Variants in NBPF19 observed in about 807,000 individuals in gnomAD.
NBPF19 encodes NBPF family member NBPF19.
NBPF19 carries 30 observed loss-of-function variants against 45.9 expected under a neutral mutation model. The ratio of observed to expected loss-of-function variants is 0.65; its 90% confidence interval spans 0.49 to 0.89. The LOEUF (loss-of-function observed/expected upper bound fraction) is 0.89. NBPF19 is among the 40% of genes least tolerant of loss of function. NBPF19 has a pLI of 0.00. For missense variants in NBPF19, 495 were observed against 471.8 expected, an observed-to-expected ratio of 1.05 and a Z score of -0.46; for synonymous variants, 183 against 181.2, an observed-to-expected ratio of 1.01 and a Z score of -0.08.
chr1:149,488,286 G>A, intron 10 of NBPF19, 101 bp downstream of exon 10: 2 of 571,660 alleles, frequency 3.5e-6, no homozygotes, highest in East Asian at 6.4e-5. Flanking sequence ...AGATGTCATT[G>A]CCACAGGGAG....
chr1:149,475,482 G>A lies in NBPF19; in HGVS notation c.-349G>A, dbSNP rs1292868150. On this transcript the variant is annotated 5_prime_UTR_variant, in exon 1 of 94. Transcript: ENST00000651566. The stretch of plus-strand genomic sequence containing the variant: ...CTGTGGCATTGTCACAAGGGTACAC[G>A]AATACTGAGAGTGAATGCTGAAGGA... Among the ~76,000 whole-genome samples, 2 of 151,082 alleles carry A rather than the reference G, an allele frequency of 1.3e-5. No homozygotes were observed. The highest frequency in any genetic ancestry group is 1.3e-4 in the Admixed American group (2 of 15,134).
At chr1:149,487,783 G>C (rs1316888337) in intron 9 of NBPF19, among the ~76,000 whole-genome samples, 3 of 131,638 alleles carry the variant, frequency 2.3e-5, no homozygotes, top group African/African-American at 5.8e-5. Context: ...CTCTGTGTGT[G>C]TGTGTGTGTG....
Position 149,479,087 on chromosome 1 carries a change from C to T in NBPF19, c.486C>T (p.Leu162=). ...TGGCACAGCACCTTGTCCAAAAGCT[C>T]AGCCCAGGTAAGGTGGCCATAGGCC... is the stretch of plus-strand genomic sequence containing the variant. ...CRLAQHLVQK[L]SPENDNDDDE... is the part of the protein sequence containing the mutation. Residue 162 remains leucine (L), a synonymous_variant, in exon 4 of 94, where the codon CTC becomes CTT. Transcript: ENST00000651566. The T allele has an allele frequency of 6.5e-7, 1 of 1,544,006 alleles. No individual in the cohort carries two copies. Among genetic ancestry groups the T allele is most frequent in the African/African-American group, 1.4e-5 (1 of 72,982 alleles).
At position 149,475,448 on chromosome 1, in the gene NBPF19, G is replaced by C. The variant is rs2101525955; in HGVS notation, c.-383G>C. Among the ~76,000 whole-genome samples the C allele has an allele frequency of 6.6e-6, 1 of 151,164 alleles. No individual in the cohort carries two copies. The highest frequency in any genetic ancestry group is 1.5e-5 in the Non-Finnish European group (1 of 67,632). ...GAATATGCTTAGATGTATTGGGAAA[G>C]ACATGGGTCTGTGGCATTGTCACAA... On this transcript the variant is annotated 5_prime_UTR_variant, in exon 1 of 94. Transcript: ENST00000651566.
Position 149,554,737 on chromosome 1 carries a change from A to G in NBPF19, c.11531A>G (p.Ter3844TrpextTer22). ...VFQMLVIFPQ* is the reference protein window; with the variant it reads ...VFQMLVIFPQW Reference sequence around the variant, plus strand: ...CAGATGTTAGTCATATTCCCACAATAGGCAGCCCTTACTAAGCCGAGAGAT... The same window carrying G: ...CAGATGTTAGTCATATTCCCACAATGGGCAGCCCTTACTAAGCCGAGAGAT... The change falls in exon 94 of 94, where the codon TAG (stop) becomes TGG (tryptophan). Residue 3844 changes from the stop codon to tryptophan (W), a stop_lost. Coordinates refer to ENST00000651566, the MANE Select transcript of NBPF19 (RefSeq NM_001351365.2). The G allele has an allele frequency of 6.2e-7, 1 of 1,608,108 alleles. No homozygotes were observed. The highest frequency in any genetic ancestry group is 8.5e-7 in the Non-Finnish European group (1 of 1,176,608).
intron 8 of NBPF19, 47 bp from the exon 9 acceptor site, chr1:149,487,285 G>A (rs1417927495): frequency 1.4e-6 from 2 of 1,393,026 alleles, no homozygotes; most frequent in Admixed American, 1.7e-5. Context: ...GTTTCTGTGT[G>A]CAAGGAAGAA....
chr1:149,484,679 GC>G lies in NBPF19; in HGVS notation c.825-1448del, dbSNP rs1166684967. ...GGTAATCCAACCTTTCTCTCTGGCT[GC>G]CCTTAGCATTTTTTCCTTCATTTCA... is the stretch of plus-strand genomic sequence containing the variant. On this transcript the variant is annotated intron_variant, in intron 7 of 93. Transcript: ENST00000651566. Among the ~76,000 whole-genome samples, 5 of 142,668 alleles carry G rather than the reference GC, an allele frequency of 3.5e-5. 1 individual carries two copies. Among genetic ancestry groups the G allele is most frequent in the African/African-American group, 1.3e-4 (5 of 38,080 alleles). The allele number at this position is 142,668 out of a possible 152,430, so 93.6% of individuals were successfully genotyped here.
intron 61 of NBPF19, among the ~76,000 whole-genome samples, chr1:149,528,943 CTCTGTGTG>C (rs2086910378): frequency 8.0e-6 from 1 of 125,382 alleles, no homozygotes; most frequent in South Asian, 2.7e-4. Context: ...CGTTCTCTCT[CTCTGTGTG>C]TGTGTGTGTG....
At position 149,554,732 on chromosome 1, in the gene NBPF19, A is replaced by T. The variant is rs1407010050; in HGVS notation, c.11526A>T (p.Pro3842=). 6.2e-7 allele frequency: 1 copy of T among 1,608,010 alleles called. No homozygotes were observed. Among genetic ancestry groups the T allele is most frequent in the African/African-American group, 1.3e-5 (1 of 74,626 alleles). ...HLVFQMLVIF[P]Q is the part of the protein sequence containing the mutation. ...TGTTCCAGATGTTAGTCATATTCCC[A>T]CAATAGGCAGCCCTTACTAAGCCGA... Residue 3842 remains proline, a synonymous_variant, in exon 94 of 94, where the codon CCA becomes CCT. Coordinates refer to ENST00000651566, the MANE Select transcript of NBPF19 (RefSeq NM_001351365.2).
chr1:149,487,413 T>A lies in NBPF19; in HGVS notation c.1040+30T>A, dbSNP rs1365598889. The A allele has an allele frequency of 5.2e-5, 64 of 1,233,244 alleles. 2 individuals are homozygous for A. The highest frequency in any genetic ancestry group is 7.1e-5 in the Non-Finnish European group (60 of 847,608). 76.4% of individuals were successfully genotyped at this position (1,233,244 alleles called of 1,614,324 possible). On this transcript the variant is annotated intron_variant, in intron 9 of 93. Transcript: ENST00000651566. ...GTCTGAGAAATTGTGGACAGTTAAT[T>A]TGATGTTGACACCTGGAGATGCCAA...
rs1182968191 is a variant in NBPF19, at chr1:149,554,879, C to T, written c.*141C>T. The T allele has an allele frequency of 1.2e-5, 17 of 1,467,182 alleles. 2 individuals carry two copies. Among genetic ancestry groups the T allele is most frequent in the African/African-American group, 1.4e-5 (1 of 71,242 alleles). 90.9% of individuals were successfully genotyped at this position (1,467,182 alleles called of 1,614,324 possible). A position where few individuals can be genotyped will look rare whatever the true frequency, so the allele number is the denominator to read the frequency against. On this transcript the variant is annotated 3_prime_UTR_variant, in exon 94 of 94. Coordinates refer to ENST00000651566, the MANE Select transcript of NBPF19 (RefSeq NM_001351365.2). ...GCATGGCTCTTTTCCTATTCTCAAA[C>T]CATGCCAGTGGCAACCTGTGCTCAG...
intron 2 of NBPF19, among the ~76,000 whole-genome samples, chr1:149,477,476 A>T (rs1165436576): frequency 2.0e-5 from 3 of 151,350 alleles, no homozygotes; most frequent in African/African-American, 7.3e-5. Context: ...ATATTGATTT[A>T]AAAATGAAAT....
At chr1:149,482,616 AT>A (rs1379209565) in intron 7 of NBPF19, among the ~76,000 whole-genome samples, 1 of 152,102 alleles carries the variant, frequency 6.6e-6, no homozygotes, top group Non-Finnish European at 1.5e-5. Flanking sequence ...AGTTATTTTA[AT>A]TGTGATGTTA....
chr1:149,479,882 C>T (rs1470464030), intron 4 of NBPF19, among the ~76,000 whole-genome samples: 1 of 150,754 alleles, frequency 6.6e-6, no homozygotes, highest in African/African-American at 2.4e-5. Flanking sequence ...AGAGAGGCTG[C>T]ACAAGCCTCC....
Position 149,478,039 on chromosome 1 carries a change from G to T in NBPF19, c.270G>T (p.Glu90Asp), listed in dbSNP as rs1484841257. Residue 90 changes from glutamate to aspartate, a missense_variant, in exon 3 of 94, where the codon GAG (glutamate) becomes GAT (aspartate). By Grantham distance (45) the Glu-to-Asp change is conservative. This residue lies in a region of NBPF19 where 69 missense variants were observed against 87.8 expected (regional missense o/e 0.79). Coordinates refer to ENST00000651566, the MANE Select transcript of NBPF19 (RefSeq NM_001351365.2). ...TTGCAGAGCAGCTGAAGCAAGCTGA[G>T]GAGCTCAGGTGAGGGGACCCCGTGG... ...EKLAEQLKQAEELRQYKVLFH... is the reference protein window; with the variant it reads ...EKLAEQLKQADELRQYKVLFH... The T allele has an allele frequency of 1.3e-6, 2 of 1,564,658 alleles. No homozygotes were observed. The highest frequency in any genetic ancestry group is 1.7e-6 in the Non-Finnish European group (2 of 1,143,552).
chr1:149,486,596 GA>G (rs2085519057), intron 8 of NBPF19, among the ~76,000 whole-genome samples: 1 of 151,300 alleles, frequency 6.6e-6, no homozygotes, highest in South Asian at 2.1e-4. Flanking sequence ...ACATGCCCAG[GA>G]GTTGTCTGTC....
At chr1:149,486,483 T>G (rs2101600361) in intron 8 of NBPF19, among the ~76,000 whole-genome samples, 190 bp downstream of exon 8, 1 of 150,784 alleles carries the variant, frequency 6.6e-6, no homozygotes, top group South Asian at 2.1e-4. Flanking sequence ...TCAGTGAGCT[T>G]TACTCTCTTC....
rs1164131038 is a variant in NBPF19, at chr1:149,554,775, G to T, written c.*37G>T. The T allele has an allele frequency of 2.1e-5, 34 of 1,607,064 alleles. No individual in the cohort carries two copies. The highest frequency in any genetic ancestry group is 1.2e-4 in the Admixed American group (7 of 59,876). ...TAAGCCGAGAGATGTCATTCCTGCA[G>T]GCAGGACCTATAGGCACGTGAAGAT... On this transcript the variant is annotated 3_prime_UTR_variant, in exon 94 of 94. Coordinates refer to ENST00000651566, the MANE Select transcript of NBPF19 (RefSeq NM_001351365.2).
At position 149,554,671 on chromosome 1, in the gene NBPF19, G is replaced by T. The variant is rs1223550316; in HGVS notation, c.11465G>T (p.Arg3822Met). ...HISFALYLDN[R>M]FFTLTVTSLH... ...AGCTTCGCCCTTTACTTGGACAATA[G>T]GTTTTTTACTTTGACGGTGACAAGT... is the stretch of plus-strand genomic sequence containing the variant. The change falls in exon 94 of 94, where the codon AGG (arginine) becomes ATG (methionine). Residue 3822 changes from arginine to methionine, a missense_variant. Arg to Met is a moderately conservative substitution (Grantham distance 91). Coordinates refer to ENST00000651566, the MANE Select transcript of NBPF19 (RefSeq NM_001351365.2). 15 of 1,608,224 alleles carry T rather than the reference G, an allele frequency of 9.3e-6. No individual in the cohort carries two copies. The African/African-American group carries it at 1.9e-4, about 20-fold the overall frequency.
Sources: allele counts gnomAD v4.1 joint callset (sites outside exome capture counted in the v4.1 genomes callset), GRCh38; gene constraint gnomAD v4.1.1; regional missense constraint gnomAD v4.1.1; transcripts MANE v1.5; gene names NCBI Gene and HGNC (gene_info 2026-07-23, HGNC 2026-07-21).